Variants in ARID1B observed in about 807,000 individuals in gnomAD.
ARID1B encodes the protein AT-rich interactive domain-containing protein 1B.
A neutral mutation model predicts 212.3 loss-of-function variants in ARID1B; 30 were observed. That is an observed-to-expected ratio of 0.14 (90% CI 0.11 to 0.19). The LOEUF (loss-of-function observed/expected upper bound fraction) is 0.19, where lower values mean the gene tolerates loss of function less well. Among genes scored for constraint, ARID1B ranks in the 10% least tolerant of loss-of-function variants. The pLI is 1.00. For missense variants in ARID1B, 2,891 were observed against 3,204.0 expected (o/e 0.90, Z 2.36); for synonymous variants, 1,402 against 1,301.7 (o/e 1.08, Z -1.66).
In ARID1B at chr6:156,878,257, G is replaced by A. The variant is rs77051008; in HGVS notation, c.1987-23119G>A. 2.1e-3 allele frequency among the ~76,000 whole-genome samples: 323 copies of A among 152,176 alleles called. 5 individuals carry two copies. The highest frequency in any genetic ancestry group is 0.02 in the East Asian group (103 of 5,160). On this transcript the variant is annotated intron_variant, in intron 2 of 19. Coordinates refer to ENST00000636930, the MANE Select transcript of ARID1B (RefSeq NM_001374828.1). ...TGTCAGCGAGGATTCTTAGGTGTAAGCGATGAAGACCGAGTCTAGCCAATT... is the reference window on the plus strand; with the variant it reads ...TGTCAGCGAGGATTCTTAGGTGTAAACGATGAAGACCGAGTCTAGCCAATT...
intron 9 of ARID1B, chr6:157,169,094 T>A (rs1273413269): frequency 7.2e-6 from 1 of 138,472 alleles, no homozygotes; most frequent in Non-Finnish European, 1.5e-5. Flanking sequence ...CTGTGAGCGT[T>A]GGGATGCGTC....
intron 4 of ARID1B, among the ~76,000 whole-genome samples, chr6:157,004,890 C>CTTTTTTTTTTTT (rs1779118895): frequency 2.8e-5 from 1 of 35,686 alleles, no homozygotes; most frequent in African/African-American, 6.5e-5. Context: ...TTTTCTTCTT[C>CTTTTTTTTTTTT]TTTTTTCTTT....
intron 2 of ARID1B, among the ~76,000 whole-genome samples, chr6:156,898,858 C>T (rs1788698401): frequency 6.6e-6 from 1 of 152,062 alleles, no homozygotes; most frequent in African/African-American, 2.4e-5. Flanking sequence ...GTAATCCCAG[C>T]TACTTGGGAG....
chr6:156,946,965 T>G (rs542580152), intron 4 of ARID1B, among the ~76,000 whole-genome samples: 2 of 152,230 alleles, frequency 1.3e-5, no homozygotes, highest in Non-Finnish European at 2.9e-5. Context: ...TAAATTAGAA[T>G]TGATGTTGAA....
chr6:156,831,055 C>T (rs1424027819), intron 2 of ARID1B, among the ~76,000 whole-genome samples: 15 of 152,132 alleles, frequency 9.9e-5, no homozygotes, highest in Admixed American at 9.8e-4. Context: ...CAATATTTTG[C>T]TGCCTAGAGT....
At chr6:157,178,815 T>C (rs1792298871) in intron 11 of ARID1B, among the ~76,000 whole-genome samples, 1 of 152,116 alleles carries the variant, frequency 6.6e-6, no homozygotes, top group Non-Finnish European at 1.5e-5. Context: ...AAGAATCCAG[T>C]CCCTTCAGAA....
intron 13 of ARID1B, chr6:157,184,660 C>T (rs2128327033): frequency 1.0e-5 from 6 of 600,894 alleles, no homozygotes; most frequent in Admixed American, 3.0e-5. Context: ...ACTTGGAAGG[C>T]ACCCCTTCTT....
At chr6:157,046,356 A>AG (rs1412762716) in intron 4 of ARID1B, among the ~76,000 whole-genome samples, 3 of 152,192 alleles carry the variant, frequency 2.0e-5, no homozygotes, top group Non-Finnish European at 2.9e-5. Context: ...GAGAGCTGTT[A>AG]GGGGTCTCAC....
intron 4 of ARID1B, among the ~76,000 whole-genome samples, chr6:157,057,890 G>C (rs531858983): frequency 3.3e-5 from 5 of 152,268 alleles, no homozygotes; most frequent in African/African-American, 4.8e-5. Flanking sequence ...AGTACATTGA[G>C]TGGTTTTCTG....
chr6:157,191,834 G>A (rs1420439574), intron 15 of ARID1B, among the ~76,000 whole-genome samples: 1 of 152,164 alleles, frequency 6.6e-6, no homozygotes. Flanking sequence ...TTAAATAATA[G>A]TACCTGTGTT....
Position 157,210,057 on chromosome 6 carries a change from A to G in ARID1B, c.*2166A>G, listed in dbSNP as rs929185034. ...GAGTTAGACAAGAACATGCAGTTAC[A>G]GTCATTGTGAGACGTGACTCTCCAG... On this transcript the variant is annotated 3_prime_UTR_variant, in exon 20 of 20. Transcript: ENST00000636930. The G allele has an allele frequency of 4.3e-6, 1 of 232,980 alleles. No individual in the cohort carries two copies. Among genetic ancestry groups the G allele is most frequent in the African/African-American group, 2.2e-5 (1 of 45,356 alleles). The allele number at this position is 232,980 out of a possible 1,614,324, so 14.4% of individuals were successfully genotyped here. A position where few individuals can be genotyped will look rare whatever the true frequency, so the allele number is the denominator to read the frequency against.
At chr6:157,129,647 C>T (rs547644352) in intron 6 of ARID1B, among the ~76,000 whole-genome samples, 6 of 152,310 alleles carry the variant, frequency 3.9e-5, no homozygotes, top group East Asian at 3.9e-4. Context: ...CATTTGAATT[C>T]GCTTTTTAAT....
rs2128356021 is a variant in ARID1B, at chr6:157,196,171, G to A, written c.4238G>A (p.Gly1413Glu). The A allele has an allele frequency of 6.2e-7, 1 of 1,612,336 alleles. No individual in the cohort carries two copies. Among genetic ancestry groups the A allele is most frequent in the Non-Finnish European group, 8.5e-7 (1 of 1,179,646 alleles). ...DPFGGMRKVP[G>E]SSEPFMTQGQ... ...TTTATTTAAAATATTGCAGTGCCTG[G>A]AAGCAGCGAGCCCTTTATGACGCAA... Residue 1413 changes from glycine to glutamate, a missense_variant, in exon 16 of 20, where the codon GGA becomes GAA. By Grantham distance (98) the Gly-to-Glu change is moderately conservative. Coordinates refer to ENST00000636930, the MANE Select transcript of ARID1B (RefSeq NM_001374828.1).
chr6:156,942,579 AG>A (rs1489983991), intron 4 of ARID1B: 1 of 152,184 alleles, frequency 6.6e-6, no homozygotes, highest in African/African-American at 2.4e-5. Context: ...GCAGGACTGC[AG>A]CTCCTGCAAG....
intron 4 of ARID1B, among the ~76,000 whole-genome samples, chr6:157,074,878 T>C (rs980579701): frequency 6.7e-6 from 1 of 148,704 alleles, no homozygotes; most frequent in Admixed American, 6.6e-5. Flanking sequence ...GAATGGCTCT[T>C]GTGGAGAGGT....
At chr6:156,826,077 C>G (rs181955855) in intron 1 of ARID1B, among the ~76,000 whole-genome samples, 17 of 151,806 alleles carry the variant, frequency 1.1e-4, no homozygotes, top group African/African-American at 4.1e-4. Context: ...TAATTTCTAT[C>G]ATGTTAAGTC....
At chr6:157,022,322 A>T (rs531433669) in intron 4 of ARID1B, 1 of 152,408 alleles carries the variant, frequency 6.6e-6, no homozygotes, top group South Asian at 2.1e-4. Context: ...GTGCATGCTC[A>T]TCAACCTTCC....
chr6:156,962,714 C>A (rs113189027), intron 4 of ARID1B, among the ~76,000 whole-genome samples: 1 of 152,178 alleles, frequency 6.6e-6, no homozygotes, highest in Admixed American at 6.5e-5. Flanking sequence ...AACTCCCACG[C>A]TCAAGAGATC....
At chr6:157,074,343 C>T (rs1784183194) in intron 4 of ARID1B, among the ~76,000 whole-genome samples, 1 of 152,190 alleles carries the variant, frequency 6.6e-6, no homozygotes, top group Non-Finnish European at 1.5e-5. Context: ...TCTCGTGCCT[C>T]AGCCTCCTGA....
Sources: gnomAD v4.1 joint callset for allele counts (sites outside exome capture counted in the v4.1 genomes callset) on GRCh38, gnomAD v4.1.1 for gene constraint, MANE v1.5 for transcripts, NCBI Gene and HGNC (gene_info 2026-07-23, HGNC 2026-07-21) for gene names.